The following CCDC42 variants were observed in gnomAD, a reference collection of about 807,000 sequenced individuals.
CCDC42 encodes coiled-coil domain-containing protein 42.
A neutral mutation model predicts 40.8 loss-of-function variants in CCDC42; 38 were observed. The observed-to-expected ratio is 0.93, with a 90% confidence interval of 0.72 to 1.22. The LOEUF (loss-of-function observed/expected upper bound fraction) is 1.22. Ranked by LOEUF, CCDC42 falls within the 50% of genes most tolerant of loss-of-function variation. The pLI is 0.00. For synonymous variants in CCDC42, 135 were observed against 157.5 expected, an observed-to-expected ratio of 0.86 and a Z score of 1.07; for missense variants, 379 against 416.5, an observed-to-expected ratio of 0.91 and a Z score of 0.78.
chr17:8,734,935 G>A lies in CCDC42; in HGVS notation c.873+161C>T, dbSNP rs140186773. Among the ~76,000 whole-genome samples, 844 of 152,206 alleles carry A rather than the reference G, an allele frequency of 5.5e-3. 3 individuals are homozygous for A. The highest frequency in any genetic ancestry group is 8.7e-3 in the Non-Finnish European group (590 of 68,012). On this transcript the variant is annotated intron_variant, in intron 6 of 6. Coordinates refer to ENST00000293845, the MANE Select transcript of CCDC42 (RefSeq NM_144681.3). ...ACTGAGTCAGAGACTCTGCGGGTGG[G>A]GCCCAGTAATACTCCTCACCCTCCC...
At position 8,735,039 on chromosome 17, in the gene CCDC42, G is replaced by A. The variant is rs1264837263; in HGVS notation, c.873+57C>T. On this transcript the variant is annotated intron_variant, in intron 6 of 6. Transcript: ENST00000293845. This position sits in a 1 kb window ranked among gnomAD's most constrained non-coding sequence, Gnocchi z 4.7. Reference sequence around the variant, plus strand: ...GGTTCATTCTTCCACCCAACCAACTGGCAACCTCCTCGGCCCAGCCGACCC... The same window carrying A: ...GGTTCATTCTTCCACCCAACCAACTAGCAACCTCCTCGGCCCAGCCGACCC... 1 of 1,592,574 alleles carries A rather than the reference G, an allele frequency of 6.3e-7. No homozygotes were observed. The highest frequency in any genetic ancestry group is 8.6e-7 in the Non-Finnish European group (1 of 1,164,484).
rs1179251064 is a variant in CCDC42, at chr17:8,740,847, C to T, written c.492+627G>A. On this transcript the variant is annotated intron_variant, in intron 4 of 6. Coordinates refer to ENST00000293845, the MANE Select transcript of CCDC42 (RefSeq NM_144681.3). ...GCGAGACTCTGAACAGGTGACTTAA[C>T]CTCTCGGAGCCTCCATTTCCTTCTC... is the stretch of plus-strand genomic sequence containing the variant. Among the ~76,000 whole-genome samples, 4 of 152,296 alleles carry T rather than the reference C, an allele frequency of 2.6e-5. No individual in the cohort carries two copies. In the East Asian group the frequency reaches 7.7e-4, roughly 29 times the overall value.
chr17:8,735,307 TTGTGTGTATGTGTG>T lies in CCDC42; in HGVS notation c.715-67_715-54del. ...AGCACAGCATGTGGTGTGTGTGTGT[TTGTGTGTATGTGTG>T]TGTGTGTATGCTCAGGGCCCGCACT... On this transcript the variant is annotated intron_variant, in intron 5 of 6. Transcript: ENST00000293845. This position sits in a 1 kb window ranked among gnomAD's most constrained non-coding sequence, Gnocchi z 4.7. The T allele has an allele frequency of 6.2e-7, 1 of 1,609,674 alleles. No homozygotes were observed.
At chr17:8,744,404 A>G (rs1430678637) in intron 1 of CCDC42, 123 bp downstream of exon 1, 3 of 857,218 alleles carry the variant, frequency 3.5e-6, no homozygotes, top group Non-Finnish European at 3.8e-6. Context: ...GACTGGTGCC[A>G]AGGTTATTTG....
At chr17:8,740,536 T>C (rs1337272713) in intron 4 of CCDC42, among the ~76,000 whole-genome samples, 1 of 146,572 alleles carries the variant, frequency 6.8e-6, no homozygotes, top group Non-Finnish European at 1.5e-5. Context: ...ACAGAGAACC[T>C]GGACCCACCA....
rs1175571562 is a variant in CCDC42, at chr17:8,741,639, C to T, written c.327G>A (p.Lys109=). The T allele has an allele frequency of 6.2e-7, 1 of 1,613,682 alleles. No individual in the cohort carries two copies. The highest frequency in any genetic ancestry group is 2.2e-5 in the East Asian group (1 of 44,864). ...TGAGTTCTCGCTCCTTGTTGGCTTT[C>T]TTCATGGCGCGGATCCGTTTCTGGT... ...ENDQKRIRAM[K]KANKERELKC... Residue 109 remains lysine (K), a synonymous_variant, in exon 4 of 7, where the codon AAG becomes AAA. Coordinates refer to ENST00000293845, the MANE Select transcript of CCDC42 (RefSeq NM_144681.3).
At chr17:8,731,219 A>T (rs1028467406) in intron 6 of CCDC42, among the ~76,000 whole-genome samples, 1 of 152,218 alleles carries the variant, frequency 6.6e-6, no homozygotes, top group Non-Finnish European at 1.5e-5. Context: ...ATACCATCTC[A>T]CACCAGAATG....
At chr17:8,737,036 G>A (rs980858951) in intron 4 of CCDC42, among the ~76,000 whole-genome samples, 47 of 142,582 alleles carry the variant, frequency 3.3e-4, no homozygotes, top group African/African-American at 1.1e-3. Context: ...GAAGAGGGAG[G>A]GAGGAAGGAA....
chr17:8,730,041 G>T lies in CCDC42; in HGVS notation c.*89C>A. The T allele has an allele frequency of 8.5e-7, 1 of 1,177,250 alleles. No homozygotes were observed. Among genetic ancestry groups the T allele is most frequent in the Non-Finnish European group, 1.3e-6 (1 of 795,176 alleles). The allele number at this position is 1,177,250 out of a possible 1,614,324, so 72.9% of individuals were successfully genotyped here. ...TCAGCAGGAAGGCACAGCAGGCATC[G>T]GTCCCGAGCTGGACTGACTGGACCG... is the stretch of plus-strand genomic sequence containing the variant. On this transcript the variant is annotated 3_prime_UTR_variant, in exon 7 of 7. Transcript: ENST00000293845.
rs986751658 is a variant in CCDC42 at position 8,735,976 on chromosome 17, A to T, written c.493-365T>A. Among the ~76,000 whole-genome samples, 2 of 152,168 alleles carry T rather than the reference A, an allele frequency of 1.3e-5. No individual in the cohort carries two copies. The highest frequency in any genetic ancestry group is 4.8e-5 in the African/African-American group (2 of 41,430). Reference sequence around the variant, plus strand: ...GTGGTCTCTGGCATCTGAATTTTGCAAAAGGTCCCCTGGTGGCTCTAGGCA... The same window carrying T: ...GTGGTCTCTGGCATCTGAATTTTGCTAAAGGTCCCCTGGTGGCTCTAGGCA... On this transcript the variant is annotated intron_variant, in intron 4 of 6. Coordinates refer to ENST00000293845, the MANE Select transcript of CCDC42 (RefSeq NM_144681.3). The surrounding 1 kb of genome is among the most constrained non-coding windows in gnomAD (Gnocchi z 4.7).
rs560557076 is a variant in CCDC42, at chr17:8,735,342, G to A, written c.714+48C>T. 2.0e-5 allele frequency: 32 copies of A among 1,609,824 alleles called. No homozygotes were observed. The South Asian group carries it at 2.3e-4, about 12-fold the overall frequency. Reference sequence around the variant, plus strand: ...GTGTGTGTGTGTATGCTCAGGGCCCGCACTCACCCAGTGCCTGGGAGCCCC... The same window carrying A: ...GTGTGTGTGTGTATGCTCAGGGCCCACACTCACCCAGTGCCTGGGAGCCCC... On this transcript the variant is annotated intron_variant, in intron 5 of 6. Coordinates refer to ENST00000293845, the MANE Select transcript of CCDC42 (RefSeq NM_144681.3). This position sits in a 1 kb window ranked among gnomAD's most constrained non-coding sequence, Gnocchi z 4.7.
rs886892399 is a variant in CCDC42 at position 8,730,105 on chromosome 17, G to A, written c.*25C>T. Reference sequence around the variant, plus strand: ...TCTTCTTTCACGATCTCTGTCTCAGGACATTCTGGAACAAGGCTGCCTCCT... The same window carrying A: ...TCTTCTTTCACGATCTCTGTCTCAGAACATTCTGGAACAAGGCTGCCTCCT... On this transcript the variant is annotated 3_prime_UTR_variant, in exon 7 of 7. Transcript: ENST00000293845. The A allele has an allele frequency of 2.5e-6, 4 of 1,608,586 alleles. No individual in the cohort carries two copies. The highest frequency in any genetic ancestry group is 2.2e-5 in the South Asian group (2 of 90,892).
chr17:8,739,467 A>C (rs898538967), intron 4 of CCDC42, among the ~76,000 whole-genome samples: 1 of 152,086 alleles, frequency 6.6e-6, no homozygotes, highest in African/African-American at 2.4e-5. Context: ...TAGGAGGGAG[A>C]GACAGGCCAA....
At chr17:8,744,419 A>T in intron 1 of CCDC42, 108 bp downstream of exon 1, 1 of 935,920 alleles carries the variant, frequency 1.1e-6, no homozygotes, top group Non-Finnish European at 1.7e-6. Context: ...TATTTGGGGC[A>T]CTGGGTTACA....
intron 2 of CCDC42, 147 bp downstream of exon 2, chr17:8,743,932 T>C (rs1246978171): frequency 1.5e-6 from 1 of 669,546 alleles, no homozygotes; most frequent in East Asian, 2.7e-5. Context: ...TCCTTTCTGT[T>C]CTCCCCAAAG....
rs1322013096 is a variant in CCDC42, at chr17:8,744,059, C to T, written c.189+20G>A. 1.3e-6 allele frequency: 2 copies of T among 1,582,094 alleles called. No homozygotes were observed. The highest frequency in any genetic ancestry group is 1.1e-5 in the South Asian group (1 of 88,256). ...CCCCTTCCTTTCCTGCCCCTCTGCA[C>T]TCCATCCCTGAGTCCCCACCTTCTT... is the stretch of plus-strand genomic sequence containing the variant. On this transcript the variant is annotated intron_variant, in intron 2 of 6. Coordinates refer to ENST00000293845, the MANE Select transcript of CCDC42 (RefSeq NM_144681.3).
chr17:8,730,260 T>C, intron 6 of CCDC42, 53 bp from the exon 7 acceptor site: 1 of 1,288,328 alleles, frequency 7.8e-7, no homozygotes, highest in Non-Finnish European at 1.1e-6. Context: ...GCCTCCCCTG[T>C]CCCAAGATGG....
At chr17:8,744,032 AC>A in intron 2 of CCDC42, 46 bp downstream of exon 2, 1 of 1,023,962 alleles carries the variant, frequency 9.8e-7, no homozygotes, top group East Asian at 2.4e-5. Flanking sequence ...GCCCCAGCCC[AC>A]CCCCTTCCTT....
intron 4 of CCDC42, among the ~76,000 whole-genome samples, chr17:8,736,977 AAG>A (rs141171927): frequency 1.3e-5 from 2 of 148,668 alleles, no homozygotes; most frequent in African/African-American, 2.5e-5. Flanking sequence ...AAGAAGAAGA[AAG>A]AGAGAGAGGG....
Sources: allele counts gnomAD v4.1 joint callset (sites outside exome capture counted in the v4.1 genomes callset), GRCh38; gene constraint gnomAD v4.1.1; non-coding constraint Gnocchi (gnomAD v3.1); transcripts MANE v1.5; gene names NCBI Gene and HGNC (gene_info 2026-07-23, HGNC 2026-07-21).